Variants in ROBO1 observed in about 807,000 individuals in gnomAD.
ROBO1 encodes the protein roundabout guidance receptor 1.
In ROBO1, 149 loss-of-function variants were observed where a neutral mutation model predicts 195.9. That is an observed-to-expected ratio of 0.76 (90% CI 0.67 to 0.87). The LOEUF is 0.87. Among genes scored for constraint, ROBO1 ranks in the 40% least tolerant of loss-of-function variants. ROBO1 has a pLI of 0.00. For missense variants in ROBO1, 1,933 were observed against 2,068.3 expected (o/e 0.93, Z 1.27); for synonymous variants, 816 against 733.2 (o/e 1.11, Z -1.82).
At chr3:79,128,950 C>A (rs1017349072) in intron 2 of ROBO1, among the ~76,000 whole-genome samples, 31 of 152,308 alleles carry the variant, frequency 2.0e-4, no homozygotes, top group Non-Finnish European at 3.2e-4. Context: ...CACACAGCTC[C>A]AGATTTCATC....
At chr3:79,334,331 T>C (rs2034572898) in intron 2 of ROBO1, among the ~76,000 whole-genome samples, 1 of 144,952 alleles carries the variant, frequency 6.9e-6, no homozygotes, top group Admixed American at 6.9e-5. Context: ...TATATATATA[T>C]GTGTATATAT....
intron 4 of ROBO1, among the ~76,000 whole-genome samples, chr3:78,892,657 A>G (rs558037235): frequency 7.2e-5 from 11 of 152,294 alleles, no homozygotes; most frequent in African/African-American, 2.6e-4. Context: ...ACTTTAAATC[A>G]GTTGGGATAA....
At chr3:78,671,601 A>G (rs1360590746) in intron 10 of ROBO1, among the ~76,000 whole-genome samples, 4 of 152,026 alleles carry the variant, frequency 2.6e-5, no homozygotes, top group Non-Finnish European at 5.9e-5. Context: ...AAACTAAAAA[A>G]AAAAAAAGAA....
chr3:79,330,793 C>T (rs1038859697), intron 2 of ROBO1, among the ~76,000 whole-genome samples: 1 of 151,790 alleles, frequency 6.6e-6, no homozygotes, highest in Non-Finnish European at 1.5e-5. Flanking sequence ...AGGGACTGGC[C>T]TTATAGTTTG....
At chr3:78,837,928 C>T (rs965136735) in intron 4 of ROBO1, among the ~76,000 whole-genome samples, 2 of 152,112 alleles carry the variant, frequency 1.3e-5, no homozygotes, top group African/African-American at 2.4e-5. Context: ...TGGCAAATAT[C>T]GTCAACCTAC....
intron 2 of ROBO1, among the ~76,000 whole-genome samples, chr3:79,216,990 C>G (rs528547208): frequency 6.1e-4 from 93 of 152,116 alleles, no homozygotes; most frequent in African/African-American, 2.0e-3. Flanking sequence ...CAGTAATAAT[C>G]ACAAATTTTA....
intron 2 of ROBO1, among the ~76,000 whole-genome samples, chr3:79,378,806 A>G (rs1054876975): frequency 6.6e-6 from 1 of 152,218 alleles, no homozygotes; most frequent in Non-Finnish European, 1.5e-5. Flanking sequence ...ATCATATAGC[A>G]TGATGCTTTG....
chr3:78,765,365 T>C (rs1303976396), intron 4 of ROBO1, among the ~76,000 whole-genome samples: 2 of 151,968 alleles, frequency 1.3e-5, no homozygotes, highest in Admixed American at 1.3e-4. Context: ...TTTAAATATT[T>C]TTTAAAAAAA....
intron 3 of ROBO1, among the ~76,000 whole-genome samples, chr3:79,086,012 A>G (rs1287202657): frequency 6.6e-6 from 1 of 152,182 alleles, no homozygotes; most frequent in African/African-American, 2.4e-5. Context: ...ATAAGAGCCT[A>G]TTAACGGCCA....
At chr3:79,562,316 T>C (rs1450660477) in intron 2 of ROBO1, among the ~76,000 whole-genome samples, 1 of 151,860 alleles carries the variant, frequency 6.6e-6, no homozygotes, top group Non-Finnish European at 1.5e-5. Flanking sequence ...GAAAATGAAA[T>C]AGTAAAATAG....
At chr3:78,665,993 G>T (rs569143996) in intron 14 of ROBO1, among the ~76,000 whole-genome samples, 144 of 152,048 alleles carry the variant, frequency 9.5e-4, no homozygotes, top group Middle Eastern at 3.4e-3. Context: ...GGAGGGTCTC[G>T]GTAGGAGGTA....
intron 3 of ROBO1, among the ~76,000 whole-genome samples, chr3:79,105,717 C>T (rs144589636): frequency 6.6e-6 from 1 of 151,740 alleles, no homozygotes; most frequent in African/African-American, 2.4e-5. Flanking sequence ...GAGGAAACTG[C>T]ATTGAAAAAA....
intron 4 of ROBO1, among the ~76,000 whole-genome samples, chr3:78,819,513 T>C (rs979501359): frequency 6.6e-6 from 1 of 152,054 alleles, no homozygotes; most frequent in African/African-American, 2.4e-5. Context: ...CTAATACTTT[T>C]TAGTGAAAAG....
At chr3:79,355,863 A>T (rs2035530857) in intron 2 of ROBO1, among the ~76,000 whole-genome samples, 1 of 152,192 alleles carries the variant, frequency 6.6e-6, no homozygotes, top group Non-Finnish European at 1.5e-5. Context: ...AGAGTGCTAC[A>T]GTAAAGACAG....
intron 5 of ROBO1, among the ~76,000 whole-genome samples, chr3:78,729,835 T>C (rs2082247362): frequency 6.6e-6 from 1 of 152,248 alleles, no homozygotes; most frequent in Non-Finnish European, 1.5e-5. Flanking sequence ...TCAGCCTTAA[T>C]ATGAAAAATT....
intron 2 of ROBO1, among the ~76,000 whole-genome samples, chr3:79,513,404 C>T (rs1940805597): frequency 6.6e-6 from 1 of 151,704 alleles, no homozygotes; most frequent in Non-Finnish European, 1.5e-5. Flanking sequence ...CTTTATGTTC[C>T]AAGGAGCAGC....
At chr3:79,056,295 A>T (rs999397136) in intron 3 of ROBO1, among the ~76,000 whole-genome samples, 1 of 152,078 alleles carries the variant, frequency 6.6e-6, no homozygotes, top group African/African-American at 2.4e-5. Flanking sequence ...AAGTGCTTTC[A>T]CCAGTTCGAG....
rs368818451 is a variant in ROBO1, at chr3:78,651,947, G to T, written c.2615-18C>A. 2.5e-6 allele frequency: 4 copies of T among 1,603,652 alleles called. No individual in the cohort carries two copies. Among genetic ancestry groups the T allele is most frequent in the Non-Finnish European group, 2.6e-6 (3 of 1,173,526 alleles). On this transcript the variant is annotated intron_variant, in intron 18 of 30. Transcript: ENST00000464233. ...ATGGGCATCTGAAAAGTCATCTTCCGATTAATTTGGGTTGAAGACTCAATG... is the reference window on the plus strand; with the variant it reads ...ATGGGCATCTGAAAAGTCATCTTCCTATTAATTTGGGTTGAAGACTCAATG...
intron 2 of ROBO1, among the ~76,000 whole-genome samples, chr3:79,333,705 C>A (rs2034544690): frequency 6.6e-6 from 1 of 152,156 alleles, no homozygotes; most frequent in South Asian, 2.1e-4. Flanking sequence ...GTTTCTTATG[C>A]ATGGTATGTT....
Sources: allele counts gnomAD v4.1 joint callset (sites outside exome capture counted in the v4.1 genomes callset), GRCh38; gene constraint gnomAD v4.1.1; transcripts MANE v1.5; gene names NCBI Gene and HGNC (gene_info 2026-07-23, HGNC 2026-07-21).